Variants in VPS13C observed in about 807,000 individuals in gnomAD.
VPS13C encodes the protein vacuolar protein sorting 13 homolog C, also known as intermembrane lipid transfer protein VPS13C.
Under a neutral mutation model 456.8 loss-of-function variants are expected in VPS13C, and 358 were observed. The observed-to-expected ratio is 0.78, with a 90% CI of 0.72 to 0.86. The LOEUF is 0.86. VPS13C is among the 40% of genes least tolerant of loss of function. The pLI is 0.00. For missense variants in VPS13C, 4,818 were observed against 4,385.4 expected (o/e 1.10, Z -2.79); for synonymous variants, 1,578 against 1,486.7 (o/e 1.06, Z -1.41).
At position 61,982,557 on chromosome 15, in the gene VPS13C, A is replaced by C; in HGVS notation, c.1931T>G (p.Val644Gly). 6.2e-7 allele frequency: 1 copy of C among 1,605,622 alleles called. No individual in the cohort carries two copies. Among genetic ancestry groups the C allele is most frequent in the Non-Finnish European group, 8.5e-7 (1 of 1,177,698 alleles). Residue 644 changes from valine to glycine, a missense_variant, in exon 21 of 85, where the codon GTG becomes GGG. Physicochemically the swap from Val to Gly is moderately radical, Grantham distance 109. Coordinates refer to ENST00000644861, the MANE Select transcript of VPS13C (RefSeq NM_020821.3). Reference sequence around the variant, plus strand: ...CTTATTTGATTGAAAGAATTCAACCACTGCATTGACAGTTTTCTATAAGAA... The same window carrying C: ...CTTATTTGATTGAAAGAATTCAACCCCTGCATTGACAGTTTTCTATAAGAA... ...VIYDAKTVNA[V>G]VEFFQSNKGL...
At chr15:62,029,894 C>T (rs1254921766) in intron 5 of VPS13C, among the ~76,000 whole-genome samples, 1 of 152,066 alleles carries the variant, frequency 6.6e-6, no homozygotes, top group East Asian at 1.9e-4. Context: ...ATATCCGGTG[C>T]ATCCATTCTT....
At chr15:62,011,976 T>G in intron 12 of VPS13C, 131 bp downstream of exon 12, 1 of 565,612 alleles carries the variant, frequency 1.8e-6, no homozygotes, top group Non-Finnish European at 3.1e-6. Context: ...CCAAACATGT[T>G]GTATCATAAT....
intron 49 of VPS13C, among the ~76,000 whole-genome samples, chr15:61,932,684 G>A (rs1308611406): frequency 1.3e-5 from 2 of 152,164 alleles, no homozygotes; most frequent in East Asian, 1.9e-4. Flanking sequence ...TCTCACTCAA[G>A]ATAGTATGTT....
At chr15:61,866,259 T>C (rs1894583790) in intron 81 of VPS13C, 1 of 984,424 alleles carries the variant, frequency 1.0e-6, no homozygotes, top group Non-Finnish European at 1.2e-6. Context: ...GTAATTATAA[T>C]AATGCACTAA....
At chr15:62,019,406 G>C (rs2047375864) in intron 9 of VPS13C, among the ~76,000 whole-genome samples, 2 of 151,974 alleles carry the variant, frequency 1.3e-5, no homozygotes, top group Admixed American at 1.3e-4. Context: ...GATCCTTCCT[G>C]CTTTCTCTTG....
chr15:62,037,548 A>G lies in VPS13C; in HGVS notation c.188-2496T>C, dbSNP rs149498289. On this transcript the variant is annotated intron_variant, in intron 3 of 84. Transcript: ENST00000644861. Reference sequence around the variant, plus strand: ...TAAATAATGCAAAATTTCTTTAGTCAGCTATAATTGATCTAAGACACTGGA... The same window carrying G: ...TAAATAATGCAAAATTTCTTTAGTCGGCTATAATTGATCTAAGACACTGGA... Among the ~76,000 whole-genome samples the G allele has an allele frequency of 3.1e-4, 46 of 146,880 alleles. No individual in the cohort carries two copies. The East Asian group carries it at 8.7e-3, about 28-fold the overall frequency.
intron 48 of VPS13C, 65 bp downstream of exon 48, chr15:61,936,532 A>C: frequency 1.4e-6 from 2 of 1,431,294 alleles, no homozygotes; most frequent in Non-Finnish European, 9.3e-7. Flanking sequence ...CTAGAAAAAT[A>C]CTAAATATAA....
rs747568610 is a variant in VPS13C at position 61,959,519 on chromosome 15, G to A, written c.3985C>T (p.Arg1329Trp). ...TGGTACCAAGATGCAGCTAGATTCC[G>A]ATTTACAAGAAATTCCAAGTTAATT... The part of the protein sequence containing the change: ...HPINLEFLVN[R>W]NLAASWYHKV... The change falls in exon 36 of 85, where the codon CGG becomes TGG. Residue 1329 changes from arginine (R) to tryptophan (W), a missense_variant. Arg to Trp is a moderately radical substitution (Grantham distance 101, BLOSUM62 -3). Around this residue, in one of 3 missense-constraint regions of VPS13C, gnomAD observed 4,552 missense variants for 4,130.6 expected, o/e 1.10. Transcript: ENST00000644861. The A allele has an allele frequency of 1.2e-5, 20 of 1,612,748 alleles. No individual in the cohort carries two copies. In the South Asian group the frequency reaches 1.5e-4, roughly 12 times the overall value.
chr15:61,912,753 CTTAGCA>C (rs1156862644), intron 62 of VPS13C, among the ~76,000 whole-genome samples: 1 of 150,848 alleles, frequency 6.6e-6, no homozygotes, highest in Non-Finnish European at 1.5e-5. Flanking sequence ...TAACTGGTCA[CTTAGCA>C]TTAGGTATAT....
At chr15:61,874,778 C>T in intron 77 of VPS13C, 98 bp downstream of exon 77, 1 of 1,062,862 alleles carries the variant, frequency 9.4e-7, no homozygotes, top group African/African-American at 1.7e-5. Flanking sequence ...GAAAGTGATC[C>T]CTCCTTTATT....
intron 67 of VPS13C, among the ~76,000 whole-genome samples, chr15:61,888,402 A>G (rs1896422905): frequency 6.6e-6 from 1 of 152,050 alleles, no homozygotes; most frequent in African/African-American, 2.4e-5. Flanking sequence ...ACGAATGTTT[A>G]TAACAGCTTT....
chr15:61,877,279 A>G (rs868574508), intron 74 of VPS13C, among the ~76,000 whole-genome samples: 6 of 151,930 alleles, frequency 3.9e-5, no homozygotes, highest in Non-Finnish European at 8.8e-5. Flanking sequence ...TTAAAAGTCA[A>G]CCATCATCCC....
At chr15:61,985,221 G>A (rs1167770816) in intron 18 of VPS13C, among the ~76,000 whole-genome samples, 1 of 152,078 alleles carries the variant, frequency 6.6e-6, no homozygotes, top group Non-Finnish European at 1.5e-5. Flanking sequence ...CAAATAGGAT[G>A]CTTACAAAAG....
chr15:61,943,863 A>G lies in VPS13C; in HGVS notation c.5149-1796T>C, dbSNP rs7169712. On this transcript the variant is annotated intron_variant, in intron 45 of 84. Transcript: ENST00000644861. ...GTAAACAGACAACCTACAAAATAGA[A>G]AAAATGTTCGCAAATTATGCATCTG... Among the ~76,000 whole-genome samples, 895 of 152,156 alleles carry G rather than the reference A, an allele frequency of 5.9e-3. 7 individuals carry two copies. The highest frequency in any genetic ancestry group is 0.02 in the African/African-American group (850 of 41,530).
chr15:61,879,452 G>C (rs958349820), intron 73 of VPS13C: 4 of 152,034 alleles, frequency 2.6e-5, no homozygotes, highest in Non-Finnish European at 5.9e-5. Flanking sequence ...CTGCCCAAAT[G>C]ACGAGTCTGG....
chr15:61,963,558 C>A (rs2045283531), intron 32 of VPS13C, among the ~76,000 whole-genome samples: 1 of 152,014 alleles, frequency 6.6e-6, no homozygotes, highest in Non-Finnish European at 1.5e-5. Context: ...CCTAGCCCAT[C>A]AATAGCATTC....
At chr15:62,013,488 G>C (rs771108686) in intron 10 of VPS13C, among the ~76,000 whole-genome samples, 1 of 151,854 alleles carries the variant, frequency 6.6e-6, no homozygotes, top group African/African-American at 2.4e-5. Flanking sequence ...TAGCAGAGGA[G>C]TCTATGGTCA....
Position 61,972,622 on chromosome 15 carries a change from T to C in VPS13C, c.2757+3A>G, listed in dbSNP as rs1358242755. The C allele has an allele frequency of 1.2e-6, 2 of 1,612,298 alleles. No individual in the cohort carries two copies. The highest frequency in any genetic ancestry group is 1.1e-5 in the South Asian group (1 of 90,962). On this transcript the variant is annotated splice_donor_region_variant and intron_variant, in intron 27 of 84. Transcript: ENST00000644861. Reference sequence around the variant, plus strand: ...ATCTATTTATAGACAAAAAAGCACATACTTCTTTAATTTCAAACTTGAGTA... The same window carrying C: ...ATCTATTTATAGACAAAAAAGCACACACTTCTTTAATTTCAAACTTGAGTA...
chr15:61,942,914 T>C (rs2044476329), intron 45 of VPS13C, among the ~76,000 whole-genome samples: 1 of 151,996 alleles, frequency 6.6e-6, no homozygotes, highest in South Asian at 2.1e-4. Context: ...ACAACTTTGG[T>C]AAAGTTTCAG....
Sources: allele counts gnomAD v4.1 joint callset (sites outside exome capture counted in the v4.1 genomes callset), GRCh38; gene constraint gnomAD v4.1.1; regional missense constraint gnomAD v4.1.1; transcripts MANE v1.5; gene names NCBI Gene and HGNC (gene_info 2026-07-23, HGNC 2026-07-21).